GPR161: variants seen among roughly 807,000 people sequenced by gnomAD.
GPR161 encodes the protein G-protein coupled receptor RE2.
Under a neutral mutation model 39.2 loss-of-function variants are expected in GPR161, and 25 were observed. The observed-to-expected ratio is 0.64, with a 90% CI of 0.47 to 0.89. GPR161 has a LOEUF of 0.89. Among genes scored for constraint, GPR161 ranks in the 40% least tolerant of loss-of-function variants. GPR161 has a pLI of 0.00. For missense variants in GPR161, 547 were observed against 677.8 expected (o/e 0.81, Z 2.14); for synonymous variants, 286 against 276.6 (o/e 1.03, Z -0.34).
intron 5 of GPR161, among the ~76,000 whole-genome samples, chr1:168,086,842 G>A (rs1318260266): frequency 6.6e-6 from 1 of 152,200 alleles, no homozygotes; most frequent in Non-Finnish European, 1.5e-5. Context: ...TGAACTCAGG[G>A]AGGGGTGTGG....
At chr1:168,105,999 ACT>A (rs1239300947) in intron 1 of GPR161, among the ~76,000 whole-genome samples, 2 of 151,508 alleles carry the variant, frequency 1.3e-5, no homozygotes. Flanking sequence ...CTACTCAAAC[ACT>A]CTTTGGCCAG....
intron 4 of GPR161, chr1:168,089,711 C>T (rs922934479): frequency 6.7e-6 from 1 of 149,874 alleles, no homozygotes; most frequent in Non-Finnish European, 1.5e-5. Flanking sequence ...GGCTCTTCCT[C>T]AGCAATGTGG....
intron 4 of GPR161, 117 bp from the exon 5 acceptor site, chr1:168,087,821 A>G (rs1694690288): frequency 9.3e-7 from 1 of 1,071,824 alleles, no homozygotes; most frequent in East Asian, 2.6e-5. Flanking sequence ...CCCATCATCA[A>G]GTGGAGCTGA....
chr1:168,129,740 C>T (rs531257639), intron 1 of GPR161, among the ~76,000 whole-genome samples: 1 of 152,330 alleles, frequency 6.6e-6, no homozygotes, highest in Admixed American at 6.5e-5. Context: ...AAATGAGTTA[C>T]CCATAGTCAT....
At chr1:168,136,698 T>A in intron 1 of GPR161, 41 bp downstream of exon 1, 1 of 1,072,082 alleles carries the variant, frequency 9.3e-7, no homozygotes, top group Non-Finnish European at 1.1e-6. Context: ...GACCGCCCTC[T>A]CCGCCCGGGC....
At chr1:168,131,844 G>C (rs1252626310) in intron 1 of GPR161, among the ~76,000 whole-genome samples, 2 of 152,156 alleles carry the variant, frequency 1.3e-5, no homozygotes, top group Non-Finnish European at 2.9e-5. Context: ...TTTAAAAAGA[G>C]CCTCACAAAT....
intron 1 of GPR161, among the ~76,000 whole-genome samples, chr1:168,111,749 A>G (rs1377549729): frequency 2.0e-5 from 3 of 152,234 alleles, no homozygotes; most frequent in African/African-American, 7.2e-5. Context: ...CCAATCTACT[A>G]GAGTTAACAA....
In GPR161 at chr1:168,090,662, C is replaced by A; in HGVS notation, c.1106G>T (p.Gly369Val). 6.3e-7 allele frequency: 1 copy of A among 1,599,840 alleles called. No homozygotes were observed. Among genetic ancestry groups the A allele is most frequent in the Non-Finnish European group, 8.5e-7 (1 of 1,169,884 alleles). The change falls in exon 4 of 6, where the codon GGC (glycine) becomes GTC (valine). Residue 369 changes from glycine (G) to valine (V), a missense_variant. Gly to Val is a moderately radical substitution (Grantham distance 109). Transcript: ENST00000682931. ...GAGCGCAGTGAGGTGTGGGGACAGG[C>A]CCAGGTCTGAAAGACAAAATTGGCA... ...FSISNRITDL[G>V]LSPHLTALMA...
At position 168,085,149 on chromosome 1, in the gene GPR161, C is replaced by A; in HGVS notation, c.*382G>T. On this transcript the variant is annotated 3_prime_UTR_variant, in exon 6 of 6. Coordinates refer to ENST00000682931, the MANE Select transcript of GPR161 (RefSeq NM_001375883.1). ...GCACAGTGCACGGCTGGACTCCCAGCACACTGTGAAGAGGAGGAAATGATG... is the reference window on the plus strand; with the variant it reads ...GCACAGTGCACGGCTGGACTCCCAGAACACTGTGAAGAGGAGGAAATGATG... The A allele has an allele frequency of 2.2e-6, 1 of 455,194 alleles. No homozygotes were observed. Among genetic ancestry groups the A allele is most frequent in the Non-Finnish European group, 4.4e-6 (1 of 229,066 alleles). 28.2% of individuals were successfully genotyped at this position (455,194 alleles called of 1,614,324 possible).
chr1:168,096,454 G>A, intron 3 of GPR161, 54 bp downstream of exon 3: 10 of 1,563,416 alleles, frequency 6.4e-6, no homozygotes, highest in Non-Finnish European at 8.7e-6. Context: ...GTGGCTGAGA[G>A]GACCACAGAT....
Position 168,104,764 on chromosome 1 carries a change from G to T in GPR161, c.87C>A (p.Thr29=), listed in dbSNP as rs768534569. Residue 29 remains threonine (T), a synonymous_variant, in exon 2 of 6, where the codon ACC becomes ACA. Coordinates refer to ENST00000682931, the MANE Select transcript of GPR161 (RefSeq NM_001375883.1). The part of the protein sequence containing the change: ...EEGGEGGVII[T]QFIAIIVITI... ...TGATGACAATGATGGCGATGAACTGGGTGATGATGACGCCCCCTTCGCCAC... is the reference window on the plus strand; with the variant it reads ...TGATGACAATGATGGCGATGAACTGTGTGATGATGACGCCCCCTTCGCCAC... The T allele has an allele frequency of 1.9e-6, 3 of 1,613,994 alleles. No individual in the cohort carries two copies. The South Asian group carries it at 3.3e-5, about 18-fold the overall frequency.
intron 5 of GPR161, among the ~76,000 whole-genome samples, chr1:168,087,219 C>T (rs964714874): frequency 6.6e-6 from 1 of 152,172 alleles, no homozygotes; most frequent in African/African-American, 2.4e-5. Flanking sequence ...AAAGCAGATA[C>T]ACTCATTGGG....
chr1:168,084,393 C>T lies in GPR161; in HGVS notation c.*1138G>A. 4.6e-6 allele frequency: 1 copy of T among 219,488 alleles called. No homozygotes were observed. Among genetic ancestry groups the T allele is most frequent in the Non-Finnish European group, 9.1e-6 (1 of 109,512 alleles). The allele number at this position is 219,488 out of a possible 1,614,324, so 13.6% of individuals were successfully genotyped here. ...TCAGAGCTGGAAATGATCTTGGAGA[C>T]CATTCAATCCAACTCCACTCTGTTT... is the stretch of plus-strand genomic sequence containing the variant. On this transcript the variant is annotated 3_prime_UTR_variant, in exon 6 of 6. Coordinates refer to ENST00000682931, the MANE Select transcript of GPR161 (RefSeq NM_001375883.1).
chr1:168,120,082 A>C (rs1698041558), intron 1 of GPR161, among the ~76,000 whole-genome samples: 1 of 152,180 alleles, frequency 6.6e-6, no homozygotes, highest in African/African-American at 2.4e-5. Flanking sequence ...CCCCAGAAAG[A>C]TAGATCCACT....
chr1:168,137,628 C>T (rs574966148), upstream of GPR161: 6 of 584,332 alleles, frequency 1.0e-5, no homozygotes, highest in African/African-American at 1.1e-4. Flanking sequence ...AGTTCCTTCT[C>T]AGAATGTTTG....
At chr1:168,093,965 C>T (rs116300338) in intron 3 of GPR161, among the ~76,000 whole-genome samples, 3 of 149,970 alleles carry the variant, frequency 2.0e-5, no homozygotes, top group Non-Finnish European at 4.5e-5. Flanking sequence ...TCCCATTCCT[C>T]GGAAAGACCA....
At chr1:168,108,627 GAAGTA>G (rs1266578170) in intron 1 of GPR161, among the ~76,000 whole-genome samples, 2 of 150,748 alleles carry the variant, frequency 1.3e-5, no homozygotes, top group Non-Finnish European at 2.9e-5. Flanking sequence ...AAGAGAGAGA[GAAGTA>G]AATTTCTCTA....
At chr1:168,103,146 A>G (rs1174128175) in intron 2 of GPR161, among the ~76,000 whole-genome samples, 1 of 152,228 alleles carries the variant, frequency 6.6e-6, no homozygotes, top group Non-Finnish European at 1.5e-5. Context: ...CTGTGAAAAT[A>G]ATTTATATAC....
At chr1:168,110,582 G>T (rs1697073728) in intron 1 of GPR161, among the ~76,000 whole-genome samples, 1 of 107,344 alleles carries the variant, frequency 9.3e-6, no homozygotes, top group Admixed American at 1.0e-4. Context: ...GAAAAGAAAA[G>T]AAAAGAAAAG....
Sources: gnomAD v4.1 joint callset for allele counts (sites outside exome capture counted in the v4.1 genomes callset) on GRCh38, gnomAD v4.1.1 for gene constraint, MANE v1.5 for transcripts, NCBI Gene and HGNC (gene_info 2026-07-23, HGNC 2026-07-21) for gene names.